The following ATP13A4 variants were observed in gnomAD, a reference collection of about 807,000 sequenced individuals.
ATP13A4 encodes ATPase 13A4, also known as probable cation-transporting ATPase 13A4.
A neutral mutation model predicts 142.5 loss-of-function variants in ATP13A4; 114 were observed. The ratio of observed to expected loss-of-function variants is 0.80; its 90% CI spans 0.69 to 0.93. The LOEUF (loss-of-function observed/expected upper bound fraction) is 0.93, where lower values mean the gene tolerates loss of function less well. Ranked by LOEUF, ATP13A4 falls within the 40% of genes least tolerant of loss-of-function variation. ATP13A4 has a pLI of 0.00. For missense variants in ATP13A4, 1,392 were observed against 1,454.0 expected (o/e 0.96, Z 0.69); for synonymous variants, 488 against 514.8 (o/e 0.95, Z 0.70).
chr3:193,481,009 C>T (rs768667348), intron 8 of ATP13A4, among the ~76,000 whole-genome samples: 13 of 152,034 alleles, frequency 8.6e-5, no homozygotes, highest in East Asian at 3.9e-4. Flanking sequence ...TTATTCTAAG[C>T]GAAGTAACTC....
At chr3:193,515,413 A>G (rs1208395167) in intron 1 of ATP13A4, among the ~76,000 whole-genome samples, 1 of 152,216 alleles carries the variant, frequency 6.6e-6, no homozygotes, top group Non-Finnish European at 1.5e-5. Context: ...CCAGGCCTTG[A>G]AATCTGAGTC....
At chr3:193,582,084 C>CATATATAT (rs71912541) in intron 1 of ATP13A4, among the ~76,000 whole-genome samples, 98 of 43,562 alleles carry the variant, frequency 2.2e-3, no homozygotes, top group Middle Eastern at 0.016. Context: ...AAAAGACTTC[C>CATATATAT]ATATATATAT....
intron 1 of ATP13A4, among the ~76,000 whole-genome samples, chr3:193,532,896 G>A (rs1189178522): frequency 6.6e-6 from 1 of 151,956 alleles, no homozygotes; most frequent in Non-Finnish European, 1.5e-5. Flanking sequence ...AATTTTAATG[G>A]CATAAGGAAA....
intron 2 of ATP13A4, among the ~76,000 whole-genome samples, chr3:193,581,195 T>A (rs1724536907): frequency 6.6e-6 from 1 of 152,248 alleles, no homozygotes; most frequent in South Asian, 2.1e-4. Flanking sequence ...CTGAATTAGA[T>A]AATAGTGTTC....
At chr3:193,547,000 T>G (rs1214152594) in intron 1 of ATP13A4, among the ~76,000 whole-genome samples, 2 of 152,202 alleles carry the variant, frequency 1.3e-5, no homozygotes, top group Non-Finnish European at 2.9e-5. Flanking sequence ...CTACTTTTCC[T>G]TTGGGGATTA....
At chr3:193,467,285 T>C (rs746243102) in intron 10 of ATP13A4, 31 bp downstream of exon 10, 7 of 1,612,940 alleles carry the variant, frequency 4.3e-6, no homozygotes, top group Middle Eastern at 3.3e-4. Flanking sequence ...AAGTATACCA[T>C]TAAAAATAAG....
chr3:193,417,274 C>T lies in ATP13A4; in HGVS notation c.2843-2524G>A, dbSNP rs192336752. Reference sequence around the variant, plus strand: ...TACAAGATAGCTACTCAAACACTTACGTAGAAATAATGATGTCTAGTAAAG... The same window carrying T: ...TACAAGATAGCTACTCAAACACTTATGTAGAAATAATGATGTCTAGTAAAG... On this transcript the variant is annotated intron_variant, in intron 25 of 29. Transcript: ENST00000342695. Among the ~76,000 whole-genome samples the T allele has an allele frequency of 1.8e-3, 270 of 152,136 alleles. 1 individual carries two copies. Among genetic ancestry groups the T allele is most frequent in the Non-Finnish European group, 2.4e-3 (162 of 68,008 alleles).
chr3:193,428,780 T>A (rs1367958193), intron 25 of ATP13A4, among the ~76,000 whole-genome samples: 4 of 106,742 alleles, frequency 3.7e-5, no homozygotes, highest in African/African-American at 1.5e-4. Flanking sequence ...ATCACACACC[T>A]AGGCCTGTCG....
chr3:193,519,924 C>T (rs1721628844), intron 1 of ATP13A4, among the ~76,000 whole-genome samples: 3 of 152,044 alleles, frequency 2.0e-5, no homozygotes, highest in South Asian at 2.1e-4. Context: ...GGATTACAGG[C>T]GTGAACCACC....
In ATP13A4 at chr3:193,465,131, G is replaced by A; in HGVS notation, c.1273-3C>T. On this transcript the variant is annotated splice_polypyrimidine_tract_variant and splice_region_variant and intron_variant, in intron 11 of 29. Coordinates refer to ENST00000342695, the MANE Select transcript of ATP13A4 (RefSeq NM_032279.4). ...CTCACCACCTCCTCTGGAGGTTCCT[G>A]GACGACAGTCATTCTTTAATTATTA... 1 of 1,613,536 alleles carries A rather than the reference G, an allele frequency of 6.2e-7. No homozygotes were observed.
At position 193,435,597 on chromosome 3, in the gene ATP13A4, C is replaced by T. The variant is rs371303896; in HGVS notation, c.2769+51G>A. The T allele has an allele frequency of 2.6e-4, 371 of 1,416,474 alleles. No homozygotes were observed. The African/African-American group carries it at 3.5e-3, about 13-fold the overall frequency. 87.7% of individuals were successfully genotyped at this position (1,416,474 alleles called of 1,614,324 possible). A position where few individuals can be genotyped will look rare whatever the true frequency, so the allele number is the denominator to read the frequency against. On this transcript the variant is annotated intron_variant, in intron 24 of 29. Coordinates refer to ENST00000342695, the MANE Select transcript of ATP13A4 (RefSeq NM_032279.4). The stretch of plus-strand genomic sequence containing the variant: ...GAGGCATTGTAAATTGAGAGTGCAC[C>T]GCTACTTGTTTTAGTTCACACTAAC...
At chr3:193,569,706 A>G (rs578117144) in intron 2 of ATP13A4, among the ~76,000 whole-genome samples, 1 of 151,794 alleles carries the variant, frequency 6.6e-6, no homozygotes, top group Non-Finnish European at 1.5e-5. Context: ...TAAAAAAAAA[A>G]TTTTGTGTGT....
chr3:193,457,299 G>A lies in ATP13A4; in HGVS notation c.1761+80C>T. On this transcript the variant is annotated intron_variant, in intron 15 of 29. Coordinates refer to ENST00000342695, the MANE Select transcript of ATP13A4 (RefSeq NM_032279.4). Reference sequence around the variant, plus strand: ...ACACCTGAAATTCAAAGACACATCTGTGACCTTTCAAAAACTGGGGGCCAG... The same window carrying A: ...ACACCTGAAATTCAAAGACACATCTATGACCTTTCAAAAACTGGGGGCCAG... The A allele has an allele frequency of 1.9e-6, 3 of 1,577,544 alleles. No homozygotes were observed. The South Asian group carries it at 3.3e-5, about 17-fold the overall frequency.
chr3:193,546,223 G>A (rs1473908269), intron 1 of ATP13A4, among the ~76,000 whole-genome samples: 1 of 152,080 alleles, frequency 6.6e-6, no homozygotes, highest in Non-Finnish European at 1.5e-5. Context: ...CAGGACTCCT[G>A]AATAGTATCA....
intron 17 of ATP13A4, among the ~76,000 whole-genome samples, chr3:193,450,554 G>C (rs967740560): frequency 3.9e-5 from 6 of 152,284 alleles, no homozygotes; most frequent in African/African-American, 1.4e-4. Context: ...TCATTTCTGG[G>C]TGGAGTGATT....
intron 29 of ATP13A4, among the ~76,000 whole-genome samples, chr3:193,405,104 A>G (rs1714428712): frequency 6.6e-6 from 1 of 152,204 alleles, no homozygotes; most frequent in Non-Finnish European, 1.5e-5. Flanking sequence ...TAATTTGCCC[A>G]AAGTCAGAGA....
At position 193,399,252 on chromosome 3, in the gene ATP13A4, A is replaced by G. The variant is rs1166259145; in HGVS notation, c.*3400T>C. Among the ~76,000 whole-genome samples, 2 of 152,222 alleles carry G rather than the reference A, an allele frequency of 1.3e-5. No homozygotes were observed. The highest frequency in any genetic ancestry group is 2.4e-5 in the African/African-American group (1 of 41,462). On this transcript the variant is annotated 3_prime_UTR_variant, in exon 30 of 30. Transcript: ENST00000342695. ...CTTCAGACTCTGCTCAAGAAAGTGT[A>G]TTGATAACAGGTTGCTCCGCCCTCA... is the stretch of plus-strand genomic sequence containing the variant.
chr3:193,579,937 G>T (rs1187684577), intron 2 of ATP13A4, among the ~76,000 whole-genome samples: 1 of 152,100 alleles, frequency 6.6e-6, no homozygotes, highest in Non-Finnish European at 1.5e-5. Context: ...GATACAGAAG[G>T]ACATGCCTAA....
intron 1 of ATP13A4, among the ~76,000 whole-genome samples, chr3:193,527,753 TA>T: frequency 6.6e-6 from 1 of 152,296 alleles, no homozygotes; most frequent in African/African-American, 2.4e-5. Flanking sequence ...GTGAGTCAAT[TA>T]AACCTCTTTT....
Sources: gnomAD v4.1 joint callset for allele counts (sites outside exome capture counted in the v4.1 genomes callset) on GRCh38, gnomAD v4.1.1 for gene constraint, MANE v1.5 for transcripts, NCBI Gene and HGNC (gene_info 2026-07-23, HGNC 2026-07-21) for gene names.